Variants in CTSV observed in about 807,000 individuals in gnomAD.
CTSV encodes cathepsin V.
In CTSV, 33 loss-of-function variants were observed where a neutral mutation model predicts 35.6. The ratio of observed to expected loss-of-function variants is 0.93; its 90% confidence interval spans 0.70 to 1.24. The LOEUF (loss-of-function observed/expected upper bound fraction) is 1.24, where lower values mean the gene tolerates loss of function less well. Among genes scored for constraint, CTSV ranks in the 50% most tolerant of loss-of-function variants. The probability of loss-of-function intolerance (pLI) is 0.00; values close to 1 mark genes in which losing one functional copy is unlikely to be tolerated. For missense variants in CTSV, 408 were observed against 413.1 expected (o/e 0.99, Z 0.11); for synonymous variants, 154 against 147.1 (o/e 1.05, Z -0.34).
At position 97,035,637 on chromosome 9, in the gene CTSV, T is replaced by C; in HGVS notation, c.678A>G (p.Thr226=). ...CCTTCTCCTTTCCAGGTGCGACCAC[T>C]GTGAAGCCAGTGTCATTAGCAACAG... The part of the protein sequence containing the change: ...ENSVANDTGF[T]VVAPGKEKAL... Residue 226 remains threonine, a synonymous_variant, in exon 6 of 8, where the codon ACA becomes ACG. Transcript: ENST00000259470. The C allele has an allele frequency of 3.1e-6, 5 of 1,601,444 alleles. No homozygotes were observed. Among genetic ancestry groups the C allele is most frequent in the Non-Finnish European group, 4.3e-6 (5 of 1,173,172 alleles).
chr9:97,039,503 T>C (rs1828920316), upstream of CTSV: 1 of 152,248 alleles, frequency 6.6e-6, no homozygotes, highest in Non-Finnish European at 1.5e-5. Context: ...GGTGAAAATC[T>C]GCAGGGCCGG....
At chr9:97,037,821 AG>A (rs1828882036) in intron 2 of CTSV, 96 bp downstream of exon 2, 4 of 1,500,390 alleles carry the variant, frequency 2.7e-6, no homozygotes, top group Non-Finnish European at 3.7e-6. Flanking sequence ...TTGCCTGGTA[AG>A]GTCTGGTGTC....
chr9:97,038,201 T>C, intron 1 of CTSV, 148 bp from the exon 2 acceptor site: 1 of 830,564 alleles, frequency 1.2e-6, no homozygotes, highest in Non-Finnish European at 1.8e-6. Context: ...GTGGAGGTAT[T>C]TGATGGGCCC....
At position 97,036,602 on chromosome 9, in the gene CTSV, C is replaced by T; in HGVS notation, c.542G>A (p.Gly181Asp). 3.7e-6 allele frequency: 6 copies of T among 1,614,064 alleles called. No individual in the cohort carries two copies. Among genetic ancestry groups the T allele is most frequent in the Non-Finnish European group, 5.1e-6 (6 of 1,180,014 alleles). ...RPQGNQGCNG[G>D]FMARAFQYVK... The stretch of plus-strand genomic sequence containing the variant: ...ATACTGGAAGGCCCTAGCCATGAAG[C>T]CACCATTGCAGCCCTGATTGCCTTG... Residue 181 changes from glycine to aspartate, a missense_variant, in exon 5 of 8, where the codon GGC becomes GAC. Physicochemically the swap from Gly to Asp is moderately conservative, Grantham distance 94. Transcript: ENST00000259470.
In CTSV at chr9:97,032,918, C is replaced by T. The variant is rs1828778747; in HGVS notation, c.*31G>A. The T allele has an allele frequency of 1.9e-6, 3 of 1,548,216 alleles. No homozygotes were observed. The African/African-American group carries it at 4.1e-5, about 21-fold the overall frequency. ...ATAAAATTTCCCCAGACATGCTGTC[C>T]TTAAGTCCTTCCTCCTCACCATCCA... On this transcript the variant is annotated 3_prime_UTR_variant, in exon 8 of 8. Coordinates refer to ENST00000259470, the MANE Select transcript of CTSV (RefSeq NM_001333.4).
intron 7 of CTSV, among the ~76,000 whole-genome samples, chr9:97,033,823 C>T (rs113290004): frequency 7.2e-5 from 11 of 151,846 alleles, no homozygotes; most frequent in African/African-American, 1.9e-4. Context: ...TGGCTGGGCA[C>T]GGTGGCTCAT....
At position 97,034,778 on chromosome 9, in the gene CTSV, C is replaced by T. The variant is rs551605839; in HGVS notation, c.853G>A (p.Gly285Ser). The T allele has an allele frequency of 1.9e-5, 31 of 1,614,078 alleles. 1 individual carries two copies. The South Asian group carries it at 2.3e-4, about 12-fold the overall frequency. The change falls in exon 7 of 8, where the codon GGC becomes AGC. Residue 285 changes from glycine to serine, a missense_variant. Transcript: ENST00000259470. ...TTATTCGAATTTGCTCCTTCAAAGC[C>T]GTAGCCAACCACCAGAACACCATGA... ...LDHGVLVVGY[G>S]FEGANSNNSK...
At chr9:97,034,943 T>A in intron 6 of CTSV, 100 bp from the exon 7 acceptor site, 1 of 828,430 alleles carries the variant, frequency 1.2e-6, no homozygotes, top group Non-Finnish European at 2.0e-6. Flanking sequence ...CTAAATTCAG[T>A]AAAATGTCAT....
Position 97,032,781 on chromosome 9 carries a change from G to C in CTSV, c.*168C>G. ...AAAGCTGTGTATAACAATAATTAAA[G>C]TAGTGGTAACATTTTACCCTTGTAA... is the stretch of plus-strand genomic sequence containing the variant. On this transcript the variant is annotated 3_prime_UTR_variant, in exon 8 of 8. Coordinates refer to ENST00000259470, the MANE Select transcript of CTSV (RefSeq NM_001333.4). The C allele has an allele frequency of 2.0e-6, 1 of 489,732 alleles. No homozygotes were observed. Among genetic ancestry groups the C allele is most frequent in the South Asian group, 4.3e-5 (1 of 23,010 alleles). 30.3% of individuals were successfully genotyped at this position (489,732 alleles called of 1,614,324 possible).
intron 7 of CTSV, among the ~76,000 whole-genome samples, chr9:97,033,250 G>A (rs1828786736): frequency 6.6e-6 from 1 of 152,112 alleles, no homozygotes; most frequent in African/African-American, 2.4e-5. Context: ...GCCGAGGTGG[G>A]CAGATCACTT....
chr9:97,037,323 G>A lies in CTSV; in HGVS notation c.325C>T (p.Pro109Ser), dbSNP rs1351572033. Residue 109 changes from proline (P) to serine (S), a missense_variant, in exon 4 of 8, where the codon CCT (proline) becomes TCT (serine). Pro to Ser is a moderately conservative substitution (Grantham distance 74). Transcript: ENST00000259470. The stretch of plus-strand genomic sequence containing the variant: ...GATTTGGGAAGATCAAGAAACAGAG[G>A]CTCACGGAACACTTTCCCCTTCCTG... ...KFRKGKVFRE[P>S]LFLDLPKSVD... The A allele has an allele frequency of 1.2e-6, 2 of 1,613,992 alleles. No individual in the cohort carries two copies. The highest frequency in any genetic ancestry group is 8.5e-7 in the Non-Finnish European group (1 of 1,180,022).
intron 7 of CTSV, among the ~76,000 whole-genome samples, chr9:97,033,487 T>C (rs1170655024): frequency 6.7e-6 from 1 of 149,686 alleles, no homozygotes; most frequent in African/African-American, 2.5e-5. Context: ...ACCGGGCATG[T>C]AATCCCAGCT....
rs558298647 is a variant in CTSV at position 97,032,403 on chromosome 9, TA to T, written c.*545del. 6.3e-4 allele frequency: 92 copies of T among 145,408 alleles called. No individual in the cohort carries two copies. Among genetic ancestry groups the T allele is most frequent in the Non-Finnish European group, 7.3e-4 (48 of 65,886 alleles). 9.0% of individuals were successfully genotyped at this position (145,408 alleles called of 1,614,324 possible). A position where few individuals can be genotyped will look rare whatever the true frequency, so the allele number is the denominator to read the frequency against. ...ACAGAGTGAGAGAGACTCCGTCTCA[TA>T]AAAAAAAAAAATGTAGGTTTGTCCT... On this transcript the variant is annotated 3_prime_UTR_variant, in exon 8 of 8. Coordinates refer to ENST00000259470, the MANE Select transcript of CTSV (RefSeq NM_001333.4).
intron 2 of CTSV, 30 bp from the exon 3 acceptor site, chr9:97,037,645 T>C (rs1828878576): frequency 6.2e-7 from 1 of 1,610,198 alleles, no homozygotes; most frequent in Non-Finnish European, 8.5e-7. Context: ...TGGTGGACTT[T>C]ATGTCTACTT....
chr9:97,033,453 TAAA>T (rs34754643), intron 7 of CTSV, among the ~76,000 whole-genome samples: 16 of 118,148 alleles, frequency 1.4e-4, no homozygotes, highest in Admixed American at 1.8e-4. Context: ...TCTACTAAAT[TAAA>T]AAAAAAAAAA....
intron 5 of CTSV, 127 bp from the exon 6 acceptor site, chr9:97,035,820 C>T: frequency 1.9e-6 from 1 of 514,878 alleles, no homozygotes; most frequent in East Asian, 3.5e-5. Context: ...TATAAATCGT[C>T]CCATGAAATA....
At chr9:97,036,468 G>A (rs766175398) in intron 5 of CTSV, 55 bp downstream of exon 5, 254 of 1,236,130 alleles carry the variant, frequency 2.1e-4, no homozygotes, top group Non-Finnish European at 3.3e-5. Flanking sequence ...ATCTCTGAAA[G>A]TGTTCCACTT....
chr9:97,038,825 C>A (rs1022955537), intron 1 of CTSV, among the ~76,000 whole-genome samples: 1 of 152,156 alleles, frequency 6.6e-6, no homozygotes, highest in Non-Finnish European at 1.5e-5. Context: ...GGCATGAAGC[C>A]GCCCGGTCCG....
At chr9:97,037,461 G>T (rs1277355447) in intron 3 of CTSV, 32 bp downstream of exon 3, 1 of 1,613,974 alleles carries the variant, frequency 6.2e-7, no homozygotes, top group Non-Finnish European at 8.5e-7. Context: ...CTGAGAAGCA[G>T]CACAGAGTTC....
Sources: gnomAD v4.1 joint callset for allele counts (sites outside exome capture counted in the v4.1 genomes callset) on GRCh38, gnomAD v4.1.1 for gene constraint, MANE v1.5 for transcripts, NCBI Gene and HGNC (gene_info 2026-07-23, HGNC 2026-07-21) for gene names.